Variants in GPHN observed in about 807,000 individuals in gnomAD.
The protein encoded by GPHN is gephyrin.
A neutral mutation model predicts 95.5 loss-of-function variants in GPHN; 17 were observed. The ratio of observed to expected loss-of-function variants is 0.18; its 90% CI spans 0.12 to 0.27. The LOEUF (loss-of-function observed/expected upper bound fraction) is 0.27, where lower values mean the gene tolerates loss of function less well. Ranked by LOEUF, GPHN falls within the 10% of genes least tolerant of loss-of-function variation. The pLI, the probability that GPHN is intolerant of heterozygous loss-of-function variation, is 1.00. For synonymous variants in GPHN, 320 were observed against 322.5 expected, an observed-to-expected ratio of 0.99 and a Z score of 0.08; for missense variants, 660 against 978.1, an observed-to-expected ratio of 0.67 and a Z score of 4.34.
At chr14:67,178,553 C>T (rs1041813759) in intron 21 of GPHN, among the ~76,000 whole-genome samples, 1 of 152,152 alleles carries the variant, frequency 6.6e-6, no homozygotes, top group Non-Finnish European at 1.5e-5. Context: ...GGTTGCTCTT[C>T]TGGAGGAATA....
At chr14:67,128,310 G>A (rs987659639) in intron 17 of GPHN, among the ~76,000 whole-genome samples, 2 of 151,320 alleles carry the variant, frequency 1.3e-5, no homozygotes, top group Non-Finnish European at 2.9e-5. Flanking sequence ...AGGCTGGGGT[G>A]CAGTGGCGTG....
At chr14:66,737,733 G>T (rs1422751533) in intron 2 of GPHN, among the ~76,000 whole-genome samples, 1 of 151,980 alleles carries the variant, frequency 6.6e-6, no homozygotes, top group African/African-American at 2.4e-5. Context: ...ATTCTTTTTT[G>T]CTTACAGCCT....
At chr14:67,238,665 A>G in the GPHN span, among the ~76,000 whole-genome samples, 1 of 151,014 alleles carries the variant, frequency 6.6e-6, no homozygotes, top group Non-Finnish European at 1.5e-5. Context: ...TTTTTTTGAG[A>G]CAGGGTCTCA....
chr14:66,768,667 A>C (rs1353135344), intron 2 of GPHN, among the ~76,000 whole-genome samples: 1 of 152,018 alleles, frequency 6.6e-6, no homozygotes, highest in Non-Finnish European at 1.5e-5. Flanking sequence ...ACAGACAATT[A>C]AACAATAATA....
At chr14:67,545,576 G>A in the GPHN span, among the ~76,000 whole-genome samples, 1 of 152,166 alleles carries the variant, frequency 6.6e-6, no homozygotes, top group Non-Finnish European at 1.5e-5. Context: ...TGAAGTGGCA[G>A]AAATAAATCC....
intron 1 of GPHN, among the ~76,000 whole-genome samples, chr14:66,524,661 C>T (rs1463593601): frequency 1.3e-5 from 2 of 152,174 alleles, no homozygotes; most frequent in East Asian, 1.9e-4. Context: ...CCCCACACCC[C>T]GACAGGCCCC....
chr14:67,054,927 C>T (rs1423412454), intron 10 of GPHN, among the ~76,000 whole-genome samples: 2 of 152,076 alleles, frequency 1.3e-5, no homozygotes, highest in African/African-American at 4.8e-5. Context: ...TTTCCTTATA[C>T]CTTATACAAA....
chr14:67,504,605 G>A, the GPHN span, among the ~76,000 whole-genome samples: 1 of 152,094 alleles, frequency 6.6e-6, no homozygotes, highest in Non-Finnish European at 1.5e-5. Context: ...AAAAACAATA[G>A]GCCATGTGCG....
At chr14:66,795,895 A>G (rs2060139321) in intron 3 of GPHN, among the ~76,000 whole-genome samples, 1 of 151,766 alleles carries the variant, frequency 6.6e-6, no homozygotes. Flanking sequence ...TTCTGTAGTC[A>G]CTCTGTTTTG....
At chr14:66,738,970 T>C (rs774913079) in intron 2 of GPHN, among the ~76,000 whole-genome samples, 40 of 152,104 alleles carry the variant, frequency 2.6e-4, no homozygotes, top group Non-Finnish European at 5.4e-4. Flanking sequence ...ATTTCCTTTT[T>C]GGGTGGCGTT....
At chr14:67,629,059 T>C in the GPHN span, among the ~76,000 whole-genome samples, 1 of 151,958 alleles carries the variant, frequency 6.6e-6, no homozygotes, top group Non-Finnish European at 1.5e-5. Flanking sequence ...CAGGGCTGGG[T>C]GGGGTGGCTC....
chr14:67,559,926 G>A, the GPHN span, among the ~76,000 whole-genome samples: 5 of 152,176 alleles, frequency 3.3e-5, no homozygotes, highest in East Asian at 1.9e-4. Context: ...TTAAGTTTGC[G>A]AGAAGGAATG....
intron 11 of GPHN, among the ~76,000 whole-genome samples, chr14:67,084,627 C>T (rs576031012): frequency 1.3e-5 from 2 of 152,284 alleles, no homozygotes; most frequent in East Asian, 3.9e-4. Flanking sequence ...GGACATCAGC[C>T]AGGCCCTACG....
intron 13 of GPHN, among the ~76,000 whole-genome samples, chr14:67,109,742 A>AT (rs887903736): frequency 6.6e-5 from 10 of 151,708 alleles, no homozygotes; most frequent in East Asian, 1.9e-4. Flanking sequence ...AGTTATGAAG[A>AT]TTTTTTTTTG....
the GPHN span, chr14:67,575,821 A>G: frequency 6.2e-7 from 1 of 1,612,182 alleles, no homozygotes; most frequent in Non-Finnish European, 8.5e-7. Context: ...TGCTGTCCAC[A>G]GCGACCCCTG....
chr14:67,302,717 T>A, the GPHN span: 50 of 582,656 alleles, frequency 8.6e-5, no homozygotes, highest in Non-Finnish European at 1.3e-4. Context: ...CCACAGTATT[T>A]GTTAGCAGTT....
chr14:67,600,263 C>A, the GPHN span: 6 of 1,377,682 alleles, frequency 4.4e-6, no homozygotes, highest in South Asian at 2.9e-5. Context: ...CGGCCCTGGC[C>A]GTCTCGCCCG....
chr14:66,794,400 T>A (rs2060086322), intron 3 of GPHN, among the ~76,000 whole-genome samples: 1 of 152,244 alleles, frequency 6.6e-6, no homozygotes, highest in African/African-American at 2.4e-5. Context: ...GCCATCATCA[T>A]GTTTCCTGTA....
At chr14:67,208,469 G>A in the GPHN span, 2 of 1,599,494 alleles carry the variant, frequency 1.3e-6, no homozygotes, top group Non-Finnish European at 1.7e-6. Flanking sequence ...GCAGGAACAT[G>A]CCAAAGGAAT....
Sources: gnomAD v4.1 joint callset for allele counts (sites outside exome capture counted in the v4.1 genomes callset) on GRCh38, gnomAD v4.1.1 for gene constraint, MANE v1.5 for transcripts, NCBI Gene and HGNC (gene_info 2026-07-23, HGNC 2026-07-21) for gene names.